CLSTN2: variants seen among roughly 807,000 people sequenced by gnomAD.
CLSTN2 encodes the protein calsyntenin-2.
A neutral mutation model predicts 101.2 loss-of-function variants in CLSTN2; 48 were observed. The observed-to-expected ratio is 0.47, with a 90% CI of 0.38 to 0.60. The LOEUF (loss-of-function observed/expected upper bound fraction) is 0.60. Ranked by LOEUF, CLSTN2 falls within the 20% of genes least tolerant of loss-of-function variation. The pLI is 0.00. For synonymous variants in CLSTN2, 481 were observed against 463.6 expected (o/e 1.04, Z -0.48); for missense variants, 1,160 against 1,238.2 (o/e 0.94, Z 0.95).
chr3:140,201,822 ATG>A (rs141353964), intron 2 of CLSTN2, among the ~76,000 whole-genome samples: 1 of 151,356 alleles, frequency 6.6e-6, no homozygotes, highest in African/African-American at 2.4e-5. Flanking sequence ...GTGTGTGTGT[ATG>A]TGTGTGTGTG....
At chr3:140,107,874 G>A (rs1230134716) in intron 1 of CLSTN2, among the ~76,000 whole-genome samples, 3 of 152,156 alleles carry the variant, frequency 2.0e-5, no homozygotes, top group African/African-American at 7.2e-5. Flanking sequence ...AGACATAGGT[G>A]TCCATCTCTC....
intron 1 of CLSTN2, among the ~76,000 whole-genome samples, chr3:140,046,610 G>A (rs1051207852): frequency 4.6e-5 from 7 of 151,786 alleles, no homozygotes; most frequent in East Asian, 1.9e-4. Context: ...TCCTAGCATC[G>A]ATGGTCTTTA....
chr3:139,991,189 T>G (rs901956397), intron 1 of CLSTN2, among the ~76,000 whole-genome samples: 1 of 152,244 alleles, frequency 6.6e-6, no homozygotes, highest in Non-Finnish European at 1.5e-5. Context: ...GGGCAATATA[T>G]TGCATACTTG....
chr3:140,074,288 C>T (rs2008445741), intron 1 of CLSTN2, among the ~76,000 whole-genome samples: 1 of 152,130 alleles, frequency 6.6e-6, no homozygotes, highest in South Asian at 2.1e-4. Flanking sequence ...CCTCACCTTG[C>T]CTCCCCCCAC....
At chr3:140,208,197 T>C (rs1301721202) in intron 2 of CLSTN2, among the ~76,000 whole-genome samples, 2 of 152,184 alleles carry the variant, frequency 1.3e-5, no homozygotes, top group South Asian at 4.1e-4. Flanking sequence ...CTCCAAACAA[T>C]GCTAATATAG....
chr3:139,981,030 C>T (rs1482515456), intron 1 of CLSTN2, among the ~76,000 whole-genome samples: 1 of 151,982 alleles, frequency 6.6e-6, no homozygotes, highest in African/African-American at 2.4e-5. Flanking sequence ...AGAGAATTCC[C>T]TGCAGTTGGA....
chr3:140,548,071 T>C (rs893976164), intron 10 of CLSTN2, among the ~76,000 whole-genome samples: 1 of 152,226 alleles, frequency 6.6e-6, no homozygotes, highest in African/African-American at 2.4e-5. Flanking sequence ...AGTAGAAATT[T>C]CCAGATCAGT....
chr3:140,232,414 T>G (rs1339365916), intron 2 of CLSTN2, among the ~76,000 whole-genome samples: 1 of 152,106 alleles, frequency 6.6e-6, no homozygotes, highest in Non-Finnish European at 1.5e-5. Flanking sequence ...TCCTTTCTTC[T>G]CATGGTTTCC....
At chr3:140,126,579 G>A (rs754947983) in intron 1 of CLSTN2, among the ~76,000 whole-genome samples, 30 of 152,204 alleles carry the variant, frequency 2.0e-4, no homozygotes, top group Non-Finnish European at 4.0e-4. Context: ...ATTCCAAAGG[G>A]CCTAGCATAT....
intron 1 of CLSTN2, among the ~76,000 whole-genome samples, chr3:139,967,001 T>A (rs1935612208): frequency 6.6e-6 from 1 of 152,164 alleles, no homozygotes; most frequent in South Asian, 2.1e-4. Context: ...GCTAGGGGCA[T>A]ACACGTGAGT....
intron 1 of CLSTN2, among the ~76,000 whole-genome samples, chr3:140,122,937 C>T (rs145849207): frequency 6.6e-6 from 1 of 152,164 alleles, no homozygotes; most frequent in East Asian, 1.9e-4. Flanking sequence ...CAAAGTTTGT[C>T]AACATTGTCT....
intron 2 of CLSTN2, among the ~76,000 whole-genome samples, chr3:140,211,616 C>A (rs62266219): frequency 2.0e-5 from 3 of 149,894 alleles, no homozygotes; most frequent in Non-Finnish European, 3.0e-5. Flanking sequence ...TCATTTAATC[C>A]TCTGCAATAA....
At chr3:140,444,698 C>G (rs1425624701) in intron 5 of CLSTN2, among the ~76,000 whole-genome samples, 1 of 152,212 alleles carries the variant, frequency 6.6e-6, no homozygotes, top group African/African-American at 2.4e-5. Context: ...AATGACTCTG[C>G]ATGTAATCCC....
intron 1 of CLSTN2, among the ~76,000 whole-genome samples, chr3:140,135,117 C>CACACACACATAT (rs1488268767): frequency 1.0e-4 from 6 of 58,110 alleles, no homozygotes; most frequent in Admixed American, 2.0e-4. Flanking sequence ...CACACACACA[C>CACACACACATAT]ATATATATAT....
intron 1 of CLSTN2, among the ~76,000 whole-genome samples, chr3:140,087,533 T>A (rs1453796219): frequency 1.3e-5 from 2 of 152,228 alleles, no homozygotes; most frequent in Admixed American, 1.3e-4. Context: ...ATCTGTCCAC[T>A]GATCCTTCCC....
chr3:140,392,554 T>G (rs1454198001), intron 2 of CLSTN2, among the ~76,000 whole-genome samples: 1 of 152,140 alleles, frequency 6.6e-6, no homozygotes, highest in Non-Finnish European at 1.5e-5. Flanking sequence ...AAAAATAAAG[T>G]TTAAACTCTA....
At chr3:140,429,724 A>G (rs2088609117) in intron 5 of CLSTN2, among the ~76,000 whole-genome samples, 1 of 152,172 alleles carries the variant, frequency 6.6e-6, no homozygotes, top group South Asian at 2.1e-4. Context: ...ATTATTTCTG[A>G]GTGCACTTTC....
chr3:140,227,977 G>C (rs909694040), intron 2 of CLSTN2, among the ~76,000 whole-genome samples: 1 of 152,148 alleles, frequency 6.6e-6, no homozygotes, highest in Admixed American at 6.5e-5. Context: ...TGATGGGAGG[G>C]GCTGCCACAA....
At chr3:139,975,847 C>T (rs1320686398) in intron 1 of CLSTN2, among the ~76,000 whole-genome samples, 1 of 152,156 alleles carries the variant, frequency 6.6e-6, no homozygotes, top group Non-Finnish European at 1.5e-5. Context: ...ACAGGAGCTG[C>T]CACAACAACA....
Sources: allele counts gnomAD v4.1 joint callset (sites outside exome capture counted in the v4.1 genomes callset), GRCh38; gene constraint gnomAD v4.1.1; transcripts MANE v1.5; gene names NCBI Gene and HGNC (gene_info 2026-07-23, HGNC 2026-07-21).